PTBP3: variants seen among roughly 807,000 people sequenced by gnomAD.
The protein encoded by PTBP3 is polypyrimidine tract-binding protein 3.
A neutral mutation model predicts 58.7 loss-of-function variants in PTBP3; 20 were observed. That is an observed-to-expected ratio of 0.34 (90% CI 0.24 to 0.50). The LOEUF (loss-of-function observed/expected upper bound fraction) is 0.50. Ranked by LOEUF, PTBP3 falls within the 20% of genes least tolerant of loss-of-function variation. The probability of loss-of-function intolerance (pLI) is 0.98; values close to 1 mark genes in which losing one functional copy is unlikely to be tolerated. For missense variants in PTBP3, 509 were observed against 637.2 expected (o/e 0.80, Z 2.17); for synonymous variants, 185 against 219.8 (o/e 0.84, Z 1.40).
intron 1 of PTBP3, among the ~76,000 whole-genome samples, chr9:112,325,280 A>C (rs1324240692): frequency 1.3e-5 from 2 of 152,192 alleles, no homozygotes; most frequent in African/African-American, 2.4e-5. Flanking sequence ...TATGTGCAGT[A>C]AGGGAAATAA....
intron 1 of PTBP3, chr9:112,332,868 G>A (rs763925967): frequency 5.6e-6 from 9 of 1,610,078 alleles, no homozygotes; most frequent in South Asian, 1.1e-5. Flanking sequence ...GACCCCTGGT[G>A]TCGAGAAAGC....
At chr9:112,374,972 C>G in the PTBP3 span, among the ~76,000 whole-genome samples, 1 of 152,308 alleles carries the variant, frequency 6.6e-6, no homozygotes, top group East Asian at 1.9e-4. Context: ...GGGCACTCAG[C>G]AGTGGCTGTA....
At position 112,240,531 on chromosome 9, in the gene PTBP3, T is replaced by C. The variant is rs192572251; in HGVS notation, c.803-5634A>G. Among the ~76,000 whole-genome samples the C allele has an allele frequency of 2.3e-3, 351 of 152,146 alleles. 4 individuals are homozygous for C. The highest frequency in any genetic ancestry group is 3.2e-3 in the Non-Finnish European group (215 of 67,994). On this transcript the variant is annotated intron_variant, in intron 7 of 13. Coordinates refer to ENST00000374257, the MANE Select transcript of PTBP3 (RefSeq NM_001163788.4). ...GTACAGAAAATAAAATTGTGTACAG[T>C]ATATAATACTTGATAATAAAGAATT...
the PTBP3 span, among the ~76,000 whole-genome samples, chr9:112,359,175 C>T: frequency 6.6e-6 from 1 of 152,004 alleles, no homozygotes; most frequent in Non-Finnish European, 1.5e-5. Context: ...GGCGCGGTGG[C>T]TCATGCCTTA....
intron 1 of PTBP3, chr9:112,330,571 T>A: frequency 1.4e-6 from 1 of 712,546 alleles, no homozygotes; most frequent in Non-Finnish European, 2.3e-6. Context: ...AAAAGCATTA[T>A]AATAACAAAT....
At chr9:112,250,013 C>T (rs938384868) in intron 7 of PTBP3, among the ~76,000 whole-genome samples, 3 of 151,910 alleles carry the variant, frequency 2.0e-5, no homozygotes, top group African/African-American at 7.2e-5. Context: ...ATTCCCTTGG[C>T]TTTTTAAATT....
intron 4 of PTBP3, among the ~76,000 whole-genome samples, chr9:112,266,994 G>C (rs1365147400): frequency 2.0e-5 from 3 of 152,064 alleles, no homozygotes; most frequent in African/African-American, 7.2e-5. Flanking sequence ...AATAAGTTAA[G>C]GATTATATGC....
intron 1 of PTBP3, among the ~76,000 whole-genome samples, chr9:112,322,190 G>A (rs1829983401): frequency 6.6e-6 from 1 of 151,696 alleles, no homozygotes; most frequent in Admixed American, 6.6e-5. Flanking sequence ...CAGGAGGAGG[G>A]GGAACAGTAA....
chr9:112,247,820 GATTA>G (rs1365607789), intron 7 of PTBP3, among the ~76,000 whole-genome samples: 2 of 152,100 alleles, frequency 1.3e-5, no homozygotes, highest in African/African-American at 4.8e-5. Flanking sequence ...AATACACAAT[GATTA>G]ATTTAGACAT....
chr9:112,349,375 G>C, the PTBP3 span, among the ~76,000 whole-genome samples: 1 of 152,126 alleles, frequency 6.6e-6, no homozygotes, highest in Non-Finnish European at 1.5e-5. Flanking sequence ...GTAAATGTAA[G>C]TAAAGTGTTT....
the PTBP3 span, among the ~76,000 whole-genome samples, chr9:112,359,535 G>T: frequency 6.6e-6 from 1 of 151,624 alleles, no homozygotes; most frequent in Non-Finnish European, 1.5e-5. Context: ...TGGGCACGGT[G>T]GCTCACACCT....
At chr9:112,258,695 A>G (rs1836471035) in intron 5 of PTBP3, among the ~76,000 whole-genome samples, 1 of 152,260 alleles carries the variant, frequency 6.6e-6, no homozygotes, top group East Asian at 1.9e-4. Context: ...TAATCAATCC[A>G]TCAGCAAATC....
intron 2 of PTBP3, among the ~76,000 whole-genome samples, chr9:112,282,044 T>C (rs777166150): frequency 8.1e-4 from 124 of 152,314 alleles, no homozygotes; most frequent in Middle Eastern, 3.4e-3. Context: ...GCAAGCTCTC[T>C]AGTGTCTCTT....
At chr9:112,266,862 G>C (rs1836821232) in intron 4 of PTBP3, among the ~76,000 whole-genome samples, 1 of 152,068 alleles carries the variant, frequency 6.6e-6, no homozygotes, top group Non-Finnish European at 1.5e-5. Flanking sequence ...TGTACCAAAA[G>C]CATGTATCCT....
rs1224751704 is a variant in PTBP3 at position 112,219,384 on chromosome 9, A to G, written c.*4467T>C. On this transcript the variant is annotated 3_prime_UTR_variant, in exon 14 of 14. Coordinates refer to ENST00000374257, the MANE Select transcript of PTBP3 (RefSeq NM_001163788.4). ...TTACAACTACTACATAGATCCAAGA[A>G]GTGAAAATAATACAACAACAAATCA... is the stretch of plus-strand genomic sequence containing the variant. 6.6e-6 allele frequency: 1 copy of G among 152,406 alleles called. No individual in the cohort carries two copies. The highest frequency in any genetic ancestry group is 1.5e-5 in the Non-Finnish European group (1 of 68,046). The allele number at this position is 152,406 out of a possible 1,614,324, so 9.4% of individuals were successfully genotyped here. A position where few individuals can be genotyped will look rare whatever the true frequency, so the allele number is the denominator to read the frequency against.
chr9:112,373,048 C>A, the PTBP3 span, among the ~76,000 whole-genome samples: 1 of 152,078 alleles, frequency 6.6e-6, no homozygotes, highest in Non-Finnish European at 1.5e-5. Flanking sequence ...TGCCCGCCAC[C>A]ATGCCCGGCT....
At chr9:112,263,001 C>T (rs972013229) in intron 4 of PTBP3, among the ~76,000 whole-genome samples, 2 of 152,008 alleles carry the variant, frequency 1.3e-5, no homozygotes, top group African/African-American at 4.8e-5. Context: ...TAAAAGAGAC[C>T]AAGGCACTCT....
chr9:112,231,945 AAGAGAAGAGAAGAGAAGAGAAG>A (rs1402871087), intron 9 of PTBP3, among the ~76,000 whole-genome samples, 132 bp downstream of exon 9: 1 of 81,532 alleles, frequency 1.2e-5, no homozygotes, highest in Admixed American at 1.4e-4. Flanking sequence ...AAGAGAAGAG[AAGAGAAGAGAAGAGAAGAGAAG>A]AGAGAAGAGA....
rs750469639 is a variant in PTBP3 at position 112,252,767 on chromosome 9, C to T, written c.538G>A (p.Val180Ile). 1.2e-6 allele frequency: 2 copies of T among 1,608,508 alleles called. No individual in the cohort carries two copies. Among genetic ancestry groups the T allele is most frequent in the Non-Finnish European group, 1.7e-6 (2 of 1,175,972 alleles). Reference sequence around the variant, plus strand: ...TTTGTAAAGGTGATAATCTTCAAGACTGTGCCAAATTTAGAAAATATCTGG... The same window carrying T: ...TTTGTAAAGGTGATAATCTTCAAGATTGTGCCAAATTTAGAAAATATCTGG... ...LHQIFSKFGTVLKIITFTKNN... is the reference protein window; with the variant it reads ...LHQIFSKFGTILKIITFTKNN... The change falls in exon 6 of 14, where the codon GTC becomes ATC. Residue 180 changes from valine (V) to isoleucine (I), a missense_variant. By Grantham distance (29) the Val-to-Ile change is conservative. Coordinates refer to ENST00000374257, the MANE Select transcript of PTBP3 (RefSeq NM_001163788.4).
Sources: allele counts gnomAD v4.1 joint callset (sites outside exome capture counted in the v4.1 genomes callset), GRCh38; gene constraint gnomAD v4.1.1; transcripts MANE v1.5; gene names NCBI Gene and HGNC (gene_info 2026-07-23, HGNC 2026-07-21).